The following ROBO2 variants were observed in gnomAD, a reference collection of about 807,000 sequenced individuals.
The protein encoded by ROBO2 is roundabout homolog 2.
A neutral mutation model predicts 160.8 loss-of-function variants in ROBO2; 53 were observed. The observed-to-expected ratio is 0.33, with a 90% CI of 0.26 to 0.41. ROBO2 has a LOEUF of 0.41. Ranked by LOEUF, ROBO2 falls within the 10% of genes least tolerant of loss-of-function variation. The probability of loss-of-function intolerance (pLI) is 1.00; values close to 1 mark genes in which losing one functional copy is unlikely to be tolerated. For missense variants in ROBO2, 1,577 were observed against 1,722.4 expected, an observed-to-expected ratio of 0.92 and a Z score of 1.49; for synonymous variants, 664 against 611.7, an observed-to-expected ratio of 1.09 and a Z score of -1.26.
chr3:76,656,142 T>C (rs1308630791), intron 2 of ROBO2, among the ~76,000 whole-genome samples: 3 of 152,158 alleles, frequency 2.0e-5, no homozygotes, highest in East Asian at 3.9e-4. Flanking sequence ...TTGCTCATGA[T>C]GGAGTTTTAG....
At chr3:76,451,424 A>T (rs1389923655) in intron 2 of ROBO2, among the ~76,000 whole-genome samples, 1 of 152,168 alleles carries the variant, frequency 6.6e-6, no homozygotes, top group African/African-American at 2.4e-5. Context: ...AAATCTTATC[A>T]TAGCTGTTCA....
At chr3:76,622,227 GAAGGAAGGAAGA>G (rs1326644406) in intron 2 of ROBO2, among the ~76,000 whole-genome samples, 130 of 27,412 alleles carry the variant, frequency 4.7e-3, no homozygotes, top group South Asian at 9.2e-3. Context: ...AGGAAGGAAG[GAAGGAAGGAAGA>G]AAGAAAGAAA....
intron 2 of ROBO2, among the ~76,000 whole-genome samples, chr3:76,710,623 G>C (rs2093272861): frequency 6.6e-6 from 1 of 152,168 alleles, no homozygotes; most frequent in African/African-American, 2.4e-5. Context: ...GAAGTAACTC[G>C]TCAAGGTAGG....
In ROBO2 at chr3:77,510,997, A is replaced by G. The variant is rs562405573; in HGVS notation, c.807-11778A>G. Among the ~76,000 whole-genome samples the G allele has an allele frequency of 9.9e-5, 15 of 152,158 alleles. No individual in the cohort carries two copies. The South Asian group carries it at 2.7e-3, about 27-fold the overall frequency. Reference sequence around the variant, plus strand: ...AGATAAGAAGGACACTTCACAAATCAGGAAACAGGTAGTTTAGCAAGCACA... The same window carrying G: ...AGATAAGAAGGACACTTCACAAATCGGGAAACAGGTAGTTTAGCAAGCACA... On this transcript the variant is annotated intron_variant, in intron 5 of 25. Coordinates refer to ENST00000461745, the Ensembl canonical transcript of ROBO2.
chr3:76,333,660 ATTC>A (rs2073659957), intron 2 of ROBO2, among the ~76,000 whole-genome samples: 4 of 152,156 alleles, frequency 2.6e-5, no homozygotes, highest in South Asian at 4.1e-4. Flanking sequence ...TCAAAAAGGA[ATTC>A]TTCTCCACTA....
At chr3:76,660,253 G>A (rs2091759570) in intron 2 of ROBO2, among the ~76,000 whole-genome samples, 1 of 152,152 alleles carries the variant, frequency 6.6e-6, no homozygotes, top group African/African-American at 2.4e-5. Flanking sequence ...GTAAAATAAT[G>A]TTTGCAAGAG....
At chr3:77,072,404 A>C (rs1214941706) in intron 1 of ROBO2, among the ~76,000 whole-genome samples, 1 of 152,136 alleles carries the variant, frequency 6.6e-6, no homozygotes. Context: ...TCCATGGAAA[A>C]AGTGTCACCT....
intron 2 of ROBO2, among the ~76,000 whole-genome samples, chr3:76,680,934 G>A (rs1055384101): frequency 9.2e-5 from 14 of 151,922 alleles, no homozygotes; most frequent in African/African-American, 2.4e-4. Context: ...GCACCATCAC[G>A]CCCAGCTAAG....
At chr3:77,617,896 T>C in intron 22 of ROBO2, 123 bp downstream of exon 23, 1 of 987,802 alleles carries the variant, frequency 1.0e-6, no homozygotes, top group Non-Finnish European at 1.5e-6. Context: ...TTTGTATGAC[T>C]CCTTAATCAT....
At position 77,098,005 on chromosome 3, in the gene ROBO2, G is replaced by C. The variant is rs1167169848; in HGVS notation, c.62-9G>C. ...TTAAAGCTTGTCTTTATTCCGTCAT[G>C]TTTTGTAGGATCGCGTCTTCGCCAG... is the stretch of plus-strand genomic sequence containing the variant. On this transcript the variant is annotated splice_polypyrimidine_tract_variant and intron_variant, in intron 1 of 25. Transcript: ENST00000461745. 3 of 1,541,896 alleles carry C rather than the reference G, an allele frequency of 1.9e-6. No individual in the cohort carries two copies. Among genetic ancestry groups the C allele is most frequent in the Non-Finnish European group, 2.6e-6 (3 of 1,141,982 alleles).
chr3:76,563,829 CTTAAAT>C (rs759171664), intron 2 of ROBO2, among the ~76,000 whole-genome samples: 2 of 152,122 alleles, frequency 1.3e-5, no homozygotes, highest in African/African-American at 2.4e-5. Flanking sequence ...ATTTTTTAAA[CTTAAAT>C]TTAAAAAATA....
At chr3:77,126,713 T>TATATATA (rs564861880) in intron 2 of ROBO2, among the ~76,000 whole-genome samples, 1 of 138,748 alleles carries the variant, frequency 7.2e-6, no homozygotes, top group African/African-American at 3.3e-5. Context: ...TATATATATA[T>TATATATA]TTTTTTTCCT....
At chr3:75,979,825 T>C (rs1470339289) in intron 2 of ROBO2, among the ~76,000 whole-genome samples, 1 of 151,662 alleles carries the variant, frequency 6.6e-6, no homozygotes, top group African/African-American at 2.4e-5. Context: ...ATTTTGTAGA[T>C]ATAATGTTGA....
At chr3:76,371,719 C>G (rs2076111721) in intron 2 of ROBO2, among the ~76,000 whole-genome samples, 1 of 151,888 alleles carries the variant, frequency 6.6e-6, no homozygotes, top group Non-Finnish European at 1.5e-5. Flanking sequence ...AGGTTTACAT[C>G]ATTACTTCTG....
At chr3:75,924,712 G>A (rs1305815228) in intron 1 of ROBO2, among the ~76,000 whole-genome samples, 1 of 69,902 alleles carries the variant, frequency 1.4e-5, no homozygotes, top group Admixed American at 2.4e-4. Flanking sequence ...TTTTGAGACT[G>A]TAGTCTTGCT....
intron 2 of ROBO2, among the ~76,000 whole-genome samples, chr3:76,908,753 TCTA>T (rs1309987207): frequency 6.6e-6 from 1 of 152,204 alleles, no homozygotes; most frequent in Admixed American, 6.5e-5. Context: ...AGTTGGTTAT[TCTA>T]CTATTTCATA....
At chr3:76,784,695 A>G (rs2062864502) in intron 2 of ROBO2, among the ~76,000 whole-genome samples, 1 of 151,152 alleles carries the variant, frequency 6.6e-6, no homozygotes, top group African/African-American at 2.4e-5. Context: ...CTGCAGGTTC[A>G]TGGAAAGGCT....
At position 76,829,915 on chromosome 3, in the gene ROBO2, G is replaced by A. The variant is rs184503473; in HGVS notation, c.110-268099G>A. Among the ~76,000 whole-genome samples, 6 of 152,200 alleles carry A rather than the reference G, an allele frequency of 3.9e-5. No individual in the cohort carries two copies. The East Asian group carries it at 5.8e-4, about 15-fold the overall frequency. On this transcript the variant is annotated intron_variant, in intron 2 of 26. Coordinates refer to the ROBO2 transcript ENST00000487694. ...ACCTCTGATCTCAGGTGATCCACTC[G>A]CCTCGGCCTCCCCAAGTGCTGGGAT...
chr3:76,740,644 T>C (rs2093787098), intron 2 of ROBO2, among the ~76,000 whole-genome samples: 1 of 152,122 alleles, frequency 6.6e-6, no homozygotes, highest in South Asian at 2.1e-4. Flanking sequence ...ACATTTTATA[T>C]CTTGCCTATA....
Sources: gnomAD v4.1 joint callset for allele counts (sites outside exome capture counted in the v4.1 genomes callset) on GRCh38, gnomAD v4.1.1 for gene constraint, MANE v1.5 for transcripts, NCBI Gene and HGNC (gene_info 2026-07-23, HGNC 2026-07-21) for gene names.